ZFPM2: variants seen among roughly 807,000 people sequenced by gnomAD.
ZFPM2 encodes the protein zinc finger protein, FOG family member 2.
Under a neutral mutation model 98.6 loss-of-function variants are expected in ZFPM2, and 20 were observed. The observed-to-expected ratio is 0.20, with a 90% CI of 0.14 to 0.29. ZFPM2 has a LOEUF of 0.29. Among genes scored for constraint, ZFPM2 ranks in the 10% least tolerant of loss-of-function variants. ZFPM2 has a pLI of 1.00. For missense variants in ZFPM2, 1,310 were observed against 1,388.6 expected (o/e 0.94, Z 0.90); for synonymous variants, 518 against 502.7 (o/e 1.03, Z -0.41).
intron 2 of ZFPM2, among the ~76,000 whole-genome samples, chr8:105,420,449 G>T (rs572384385): frequency 1.3e-5 from 2 of 152,022 alleles, no homozygotes; most frequent in South Asian, 4.2e-4. Context: ...AGAACCCCTG[G>T]CTCTAAAACT....
intron 3 of ZFPM2, among the ~76,000 whole-genome samples, chr8:105,528,576 C>T (rs1256148419): frequency 6.6e-6 from 1 of 152,006 alleles, no homozygotes; most frequent in Non-Finnish European, 1.5e-5. Context: ...CACCAGGTGA[C>T]AGGAGATTGA....
intron 4 of ZFPM2, among the ~76,000 whole-genome samples, chr8:105,564,493 A>G (rs530535698): frequency 2.6e-5 from 4 of 152,196 alleles, no homozygotes; most frequent in African/African-American, 9.6e-5. Context: ...TATTCCTACT[A>G]CTGTTACTAC....
chr8:105,530,078 A>C (rs1018730503), intron 3 of ZFPM2, among the ~76,000 whole-genome samples: 1 of 152,162 alleles, frequency 6.6e-6, no homozygotes, highest in African/African-American at 2.4e-5. Context: ...TCTGCCTTTT[A>C]CATTCTTAAA....
In ZFPM2 at chr8:105,372,540, T is replaced by A. The variant is rs1419039937; in HGVS notation, c.41-46604T>A. On this transcript the variant is annotated intron_variant, in intron 1 of 7. Transcript: ENST00000407775. ...ATAATAATATCAATAATAAAAGTAA[T>A]AATGTTTACTGAGCTTTCTAGGTAA... Among the ~76,000 whole-genome samples, 9 of 152,154 alleles carry A rather than the reference T, an allele frequency of 5.9e-5. No homozygotes were observed. In the South Asian group the frequency reaches 1.9e-3, roughly 31 times the overall value.
intron 5 of ZFPM2, among the ~76,000 whole-genome samples, chr8:105,736,271 G>T (rs1812071385): frequency 1.3e-5 from 2 of 151,968 alleles, no homozygotes; most frequent in South Asian, 2.1e-4. Flanking sequence ...CAGAATAAAA[G>T]ATACTTCTGC....
intron 4 of ZFPM2, among the ~76,000 whole-genome samples, chr8:105,565,391 C>T (rs1452568115): frequency 6.6e-6 from 1 of 152,124 alleles, no homozygotes; most frequent in Non-Finnish European, 1.5e-5. Flanking sequence ...TTTATAATAG[C>T]AGCAGCAGCA....
chr8:105,735,150 CATAGATCTAT>C (rs1194859309), intron 5 of ZFPM2, among the ~76,000 whole-genome samples: 3 of 148,058 alleles, frequency 2.0e-5, no homozygotes, highest in Non-Finnish European at 3.0e-5. Context: ...ATAATATAGA[CATAGATCTAT>C]ATAGATCTAT....
At chr8:105,634,871 A>G (rs1816817946) in intron 5 of ZFPM2, among the ~76,000 whole-genome samples, 1 of 152,196 alleles carries the variant, frequency 6.6e-6, no homozygotes, top group Non-Finnish European at 1.5e-5. Context: ...GCAGGAGGCA[A>G]ACTCTAAAGA....
chr8:105,352,005 G>A (rs1243064119), intron 1 of ZFPM2, among the ~76,000 whole-genome samples: 3 of 152,184 alleles, frequency 2.0e-5, no homozygotes, highest in African/African-American at 4.8e-5. Flanking sequence ...AGAATCTTGA[G>A]AGGGGCACCC....
chr8:105,677,285 G>A (rs1416773545), intron 5 of ZFPM2, among the ~76,000 whole-genome samples: 1 of 151,516 alleles, frequency 6.6e-6, no homozygotes, highest in African/African-American at 2.4e-5. Flanking sequence ...AAGATGCTAT[G>A]CTAAGTACTT....
chr8:105,742,910 G>A (rs571532226), intron 5 of ZFPM2, among the ~76,000 whole-genome samples: 1 of 152,130 alleles, frequency 6.6e-6, no homozygotes, highest in South Asian at 2.1e-4. Context: ...TCATCCATAT[G>A]GGTGTGATGA....
intron 1 of ZFPM2, among the ~76,000 whole-genome samples, chr8:105,337,575 A>G (rs1812351967): frequency 1.3e-5 from 2 of 151,790 alleles, no homozygotes; most frequent in African/African-American, 4.8e-5. Context: ...GTCTTATTTC[A>G]TAGTTTACAT....
intron 6 of ZFPM2, 117 bp from the exon 7 acceptor site, chr8:105,798,607 T>C (rs1382631424): frequency 1.9e-5 from 15 of 780,640 alleles, no homozygotes; most frequent in Non-Finnish European, 3.1e-5. Flanking sequence ...ACTCATCTGA[T>C]TGCCCAATTA....
chr8:105,483,894 C>T (rs1011659526), intron 3 of ZFPM2, among the ~76,000 whole-genome samples: 8 of 151,510 alleles, frequency 5.3e-5, no homozygotes, highest in East Asian at 4.0e-4. Flanking sequence ...CCACCACGCC[C>T]GGCTAATTTT....
chr8:105,344,801 A>AT (rs1187962010), intron 1 of ZFPM2, among the ~76,000 whole-genome samples: 1 of 152,162 alleles, frequency 6.6e-6, no homozygotes, highest in Non-Finnish European at 1.5e-5. Context: ...GGACAATGTA[A>AT]TGGAGGAAGC....
Position 105,802,265 on chromosome 8 carries a change from C to G in ZFPM2, c.2183C>G (p.Ala728Gly), listed in dbSNP as rs1450292346. Residue 728 changes from alanine to glycine, a missense_variant, in exon 8 of 8, where the codon GCC becomes GGC. Physicochemically the swap from Ala to Gly is moderately conservative, Grantham distance 60. Coordinates refer to ENST00000407775, the MANE Select transcript of ZFPM2 (RefSeq NM_012082.4). Reference sequence around the variant, plus strand: ...AGGTCTGCTTCCAACAAAGTGCCTGCCATGCAGAGAACCATGCGCACACGC... The same window carrying G: ...AGGTCTGCTTCCAACAAAGTGCCTGGCATGCAGAGAACCATGCGCACACGC... ...LKRSASNKVP[A>G]MQRTMRTRKR... 1.9e-6 allele frequency: 3 copies of G among 1,613,698 alleles called. No homozygotes were observed.
intron 4 of ZFPM2, among the ~76,000 whole-genome samples, chr8:105,566,375 TTTGAAA>T (rs994328040): frequency 4.6e-5 from 7 of 152,146 alleles, no homozygotes; most frequent in African/African-American, 1.7e-4. Context: ...ACTTGGTGTT[TTTGAAA>T]GTTTTGCAGT....
rs1481017573 is a variant in ZFPM2, at chr8:105,514,443, A to G, written c.302-46920A>G. ...GTATACATGTAACCTTGATGTATCTAGCATCAGTCCCACTTGTAGCCCAGC... is the reference window on the plus strand; with the variant it reads ...GTATACATGTAACCTTGATGTATCTGGCATCAGTCCCACTTGTAGCCCAGC... On this transcript the variant is annotated intron_variant, in intron 3 of 7. Transcript: ENST00000407775. 2.6e-5 allele frequency among the ~76,000 whole-genome samples: 4 copies of G among 151,660 alleles called. No individual in the cohort carries two copies. The East Asian group carries it at 5.8e-4, about 22-fold the overall frequency.
chr8:105,498,735 C>T (rs1014418644), intron 3 of ZFPM2, among the ~76,000 whole-genome samples: 1 of 152,148 alleles, frequency 6.6e-6, no homozygotes, highest in East Asian at 1.9e-4. Context: ...AGCCTATAAG[C>T]AGTTCATTCC....
Sources: allele counts gnomAD v4.1 joint callset (sites outside exome capture counted in the v4.1 genomes callset), GRCh38; gene constraint gnomAD v4.1.1; transcripts MANE v1.5; gene names NCBI Gene and HGNC (gene_info 2026-07-23, HGNC 2026-07-21).